Variants in CDH18 observed in about 807,000 individuals in gnomAD.
The protein encoded by CDH18 is cadherin 18, also known as cadherin-18.
CDH18 carries 31 observed loss-of-function variants against 67.9 expected under a neutral mutation model. The ratio of observed to expected loss-of-function variants is 0.46; its 90% confidence interval spans 0.34 to 0.62. The LOEUF is 0.62. CDH18 is among the 20% of genes least tolerant of loss of function. CDH18 has a pLI of 0.01. For synonymous variants in CDH18, 362 were observed against 347.2 expected, an observed-to-expected ratio of 1.04 and a Z score of -0.48; for missense variants, 890 against 975.5, an observed-to-expected ratio of 0.91 and a Z score of 1.17.
At chr5:19,532,527 T>G in intron 9 of CDH18, among the ~76,000 whole-genome samples, 1 of 152,208 alleles carries the variant, frequency 6.6e-6, no homozygotes, top group East Asian at 1.9e-4. Flanking sequence ...GTTCATTCAT[T>G]ATGAGTGTCA....
At chr5:20,414,812 A>G (rs1747144673) in intron 1 of CDH18, among the ~76,000 whole-genome samples, 1 of 152,192 alleles carries the variant, frequency 6.6e-6, no homozygotes, top group Non-Finnish European at 1.5e-5. Context: ...CAAAACAACA[A>G]CAGCAATAGC....
intron 5 of CDH18, among the ~76,000 whole-genome samples, chr5:19,673,757 A>C (rs577848120): frequency 6.6e-6 from 1 of 152,180 alleles, no homozygotes; most frequent in East Asian, 1.9e-4. Flanking sequence ...TACTCTTTAC[A>C]ATTATAAACA....
Position 19,736,411 on chromosome 5 carries a change from G to C in CDH18, c.523+10531C>G, listed in dbSNP as rs1225699825. Among the ~76,000 whole-genome samples, 4 of 152,100 alleles carry C rather than the reference G, an allele frequency of 2.6e-5. No homozygotes were observed. In the East Asian group the frequency reaches 7.7e-4, roughly 29 times the overall value. On this transcript the variant is annotated intron_variant, in intron 4 of 12. Transcript: ENST00000382275. ...AAAATTATAGACAGCTTCACAGGTG[G>C]GGGAGACATGACACAGAAGAATCAC...
chr5:20,047,512 A>G (rs1045008495), intron 2 of CDH18, among the ~76,000 whole-genome samples: 2 of 151,788 alleles, frequency 1.3e-5, no homozygotes, highest in African/African-American at 4.8e-5. Flanking sequence ...AGTGCAACAC[A>G]TGTCAGAAAC....
intron 7 of CDH18, among the ~76,000 whole-genome samples, chr5:19,584,427 T>C (rs1743772939): frequency 6.6e-6 from 1 of 152,158 alleles, no homozygotes; most frequent in Non-Finnish European, 1.5e-5. Flanking sequence ...AAATAAGGAA[T>C]AGGTTTTTAA....
At chr5:19,613,277 A>T (rs1033423328) in intron 5 of CDH18, among the ~76,000 whole-genome samples, 1 of 152,174 alleles carries the variant, frequency 6.6e-6, no homozygotes, top group African/African-American at 2.4e-5. Context: ...ATATTGATTT[A>T]AGCAGAGGCT....
chr5:20,344,201 C>A (rs1740513549), intron 1 of CDH18, among the ~76,000 whole-genome samples: 1 of 152,010 alleles, frequency 6.6e-6, no homozygotes, highest in African/African-American at 2.4e-5. Flanking sequence ...ATAAAACTTA[C>A]CAATTGGCCC....
intron 1 of CDH18, among the ~76,000 whole-genome samples, chr5:20,386,864 TG>T (rs1404990778): frequency 2.6e-5 from 4 of 152,136 alleles, no homozygotes; most frequent in Non-Finnish European, 5.9e-5. Flanking sequence ...GGCATGCCAC[TG>T]TCATTGTCTT....
chr5:19,741,267 A>G (rs1414553574), intron 4 of CDH18, among the ~76,000 whole-genome samples: 16 of 126,850 alleles, frequency 1.3e-4, no homozygotes, highest in Admixed American at 5.2e-4. Flanking sequence ...GTATACATAT[A>G]TACATATATA....
intron 1 of CDH18, among the ~76,000 whole-genome samples, chr5:20,337,786 C>A (rs1264367288): frequency 2.6e-5 from 4 of 152,208 alleles, no homozygotes; most frequent in Non-Finnish European, 5.9e-5. Context: ...CAATGCCCCA[C>A]TCTACTGGTA....
chr5:20,396,125 G>T (rs1029890123), intron 1 of CDH18, among the ~76,000 whole-genome samples: 1 of 152,278 alleles, frequency 6.6e-6, no homozygotes, highest in East Asian at 1.9e-4. Flanking sequence ...TTCACTGAAG[G>T]TCATTCAGAA....
intron 2 of CDH18, among the ~76,000 whole-genome samples, chr5:20,235,119 C>T (rs1742373364): frequency 6.6e-6 from 1 of 151,962 alleles, no homozygotes; most frequent in Non-Finnish European, 1.5e-5. Flanking sequence ...ACCATATAAG[C>T]AAATTAACTC....
chr5:20,540,150 T>A (rs1756972631), intron 1 of CDH18, among the ~76,000 whole-genome samples: 1 of 152,178 alleles, frequency 6.6e-6, no homozygotes, highest in Non-Finnish European at 1.5e-5. Context: ...TACAAATGCC[T>A]CAATGTTTCT....
chr5:19,576,933 A>C (rs1413569415), intron 7 of CDH18, among the ~76,000 whole-genome samples: 1 of 152,242 alleles, frequency 6.6e-6, no homozygotes, highest in Admixed American at 6.5e-5. Context: ...AGATTCTGTC[A>C]TTTGTAACAA....
intron 1 of CDH18, among the ~76,000 whole-genome samples, chr5:20,358,416 C>T (rs997907753): frequency 2.0e-5 from 3 of 152,268 alleles, no homozygotes; most frequent in Non-Finnish European, 4.4e-5. Context: ...ATCCCATTTC[C>T]TATCAGGTGA....
chr5:20,305,359 T>G (rs1036206903), intron 1 of CDH18: 2 of 1,571,000 alleles, frequency 1.3e-6, no homozygotes, highest in Non-Finnish European at 1.8e-6. Context: ...CAAGACTTCC[T>G]CACTGGCCAC....
intron 4 of CDH18, among the ~76,000 whole-genome samples, chr5:19,741,544 T>C (rs978789090): frequency 6.6e-6 from 1 of 152,084 alleles, no homozygotes; most frequent in African/African-American, 2.4e-5. Context: ...TTCCTCAGTG[T>C]TTTCATACTA....
intron 9 of CDH18, among the ~76,000 whole-genome samples, chr5:19,536,137 A>C (rs1749376825): frequency 6.6e-6 from 1 of 152,176 alleles, no homozygotes; most frequent in Admixed American, 6.5e-5. Flanking sequence ...TATGATGAAC[A>C]AAGATAAGTT....
chr5:20,345,232 G>T (rs564807926), intron 1 of CDH18, among the ~76,000 whole-genome samples: 1 of 151,482 alleles, frequency 6.6e-6, no homozygotes, highest in South Asian at 2.1e-4. Context: ...ACATCCAATT[G>T]GAAATTGGGG....
Sources: gnomAD v4.1 joint callset for allele counts (sites outside exome capture counted in the v4.1 genomes callset) on GRCh38, gnomAD v4.1.1 for gene constraint, MANE v1.5 for transcripts, NCBI Gene and HGNC (gene_info 2026-07-23, HGNC 2026-07-21) for gene names.